The following ZNRF1 variants were observed in gnomAD, a reference collection of about 807,000 sequenced individuals.
The protein encoded by ZNRF1 is zinc and ring finger 1.
ZNRF1 carries 3 observed loss-of-function variants against 18.4 expected under a neutral mutation model. That is an observed-to-expected ratio of 0.16 (90% CI 0.07 to 0.42). The LOEUF (loss-of-function observed/expected upper bound fraction) is 0.42. Among genes scored for constraint, ZNRF1 ranks in the 10% least tolerant of loss-of-function variants. The probability of loss-of-function intolerance (pLI) is 0.99; values close to 1 mark genes in which losing one functional copy is unlikely to be tolerated. For synonymous variants in ZNRF1, 157 were observed against 144.2 expected (o/e 1.09, Z -0.64); for missense variants, 310 against 329.8 (o/e 0.94, Z 0.47).
chr16:75,003,046 C>T lies in ZNRF1; in HGVS notation c.424+2951C>T, dbSNP rs545822512. 6.6e-5 allele frequency among the ~76,000 whole-genome samples: 10 copies of T among 152,312 alleles called. No individual in the cohort carries two copies. The South Asian group carries it at 1.9e-3, about 28-fold the overall frequency. ...TCTGCTCACTGCAGTCTCCGCCTCC[C>T]GGGTTCAAGCAATTCTCCTGCCTCA... On this transcript the variant is annotated intron_variant, in intron 1 of 4. Transcript: ENST00000335325.
intron 2 of ZNRF1, among the ~76,000 whole-genome samples, chr16:75,098,689 G>C (rs534037579): frequency 6.6e-6 from 1 of 152,204 alleles, no homozygotes; most frequent in Non-Finnish European, 1.5e-5. Flanking sequence ...GAGCCTGTGC[G>C]TCATTTGCTA....
In ZNRF1 at chr16:75,108,149, G is replaced by A. The variant is rs78267590; in HGVS notation, c.*449G>A. 567 of 189,426 alleles carry A rather than the reference G, an allele frequency of 3.0e-3. 23 individuals are homozygous for A. In the East Asian group the frequency reaches 0.079, roughly 27 times the overall value. The allele number at this position is 189,426 out of a possible 1,614,324, so 11.7% of individuals were successfully genotyped here. On this transcript the variant is annotated 3_prime_UTR_variant, in exon 5 of 5. Coordinates refer to ENST00000335325, the MANE Select transcript of ZNRF1 (RefSeq NM_032268.5). ...GCCTCGCTGCCAGCCTTCTGACGGC[G>A]GGCGAGCACACGGTCTCTTCCCCTG...
In ZNRF1 at chr16:75,013,995, A is replaced by T. The variant is rs534774210; in HGVS notation, c.424+13900A>T. Among the ~76,000 whole-genome samples, 10 of 151,768 alleles carry T rather than the reference A, an allele frequency of 6.6e-5. No individual in the cohort carries two copies. The South Asian group carries it at 2.1e-3, about 32-fold the overall frequency. ...CAGGCAAACACCACCACACCCGACT[A>T]ATTTTTTGTATTTTTAGTAGAGGCC... On this transcript the variant is annotated intron_variant, in intron 1 of 4. Transcript: ENST00000335325.
chr16:75,066,685 G>C (rs933001420), intron 1 of ZNRF1, among the ~76,000 whole-genome samples: 3 of 152,032 alleles, frequency 2.0e-5, no homozygotes, highest in Non-Finnish European at 2.9e-5. Flanking sequence ...TGTATTTTTA[G>C]TAGAGATGGG....
chr16:75,032,375 C>G (rs1325955050), intron 1 of ZNRF1, among the ~76,000 whole-genome samples: 1 of 151,898 alleles, frequency 6.6e-6, no homozygotes, highest in Non-Finnish European at 1.5e-5. Context: ...TCCCAAAGTG[C>G]TGGGATTACA....
At chr16:75,049,717 G>C (rs763520069) in intron 1 of ZNRF1, among the ~76,000 whole-genome samples, 1 of 152,048 alleles carries the variant, frequency 6.6e-6, no homozygotes, top group South Asian at 2.1e-4. Flanking sequence ...TTGTACCTTC[G>C]CCCGGTTTTC....
chr16:75,036,139 C>T (rs1204508121), intron 1 of ZNRF1, among the ~76,000 whole-genome samples: 1 of 152,256 alleles, frequency 6.6e-6, no homozygotes, highest in Non-Finnish European at 1.5e-5. Flanking sequence ...ATAACAATCT[C>T]AGCTCACAGC....
At chr16:75,072,986 G>A (rs1479834578) in intron 1 of ZNRF1, among the ~76,000 whole-genome samples, 1 of 152,288 alleles carries the variant, frequency 6.6e-6, no homozygotes, top group South Asian at 2.1e-4. Flanking sequence ...GTGAAAGAAA[G>A]CATTTAAAAA....
intron 1 of ZNRF1, among the ~76,000 whole-genome samples, chr16:75,035,956 C>G (rs1485381037): frequency 6.6e-6 from 1 of 152,188 alleles, no homozygotes; most frequent in Admixed American, 6.5e-5. Context: ...CCAGTTTCAG[C>G]TTTTTCTATC....
intron 4 of ZNRF1, chr16:75,106,991 A>G (rs931837594): frequency 1.0e-5 from 2 of 195,096 alleles, no homozygotes; most frequent in South Asian, 1.9e-4. Context: ...CCCTGTTGCC[A>G]TAAGGACATT....
chr16:75,049,398 C>T (rs931554621), intron 1 of ZNRF1, among the ~76,000 whole-genome samples: 4 of 151,952 alleles, frequency 2.6e-5, no homozygotes, highest in African/African-American at 9.7e-5. Flanking sequence ...ACGATCATAG[C>T]TTACTGCAGC....
At chr16:75,094,582 C>A (rs1423848532) in intron 2 of ZNRF1, among the ~76,000 whole-genome samples, 1 of 152,150 alleles carries the variant, frequency 6.6e-6, no homozygotes, top group Non-Finnish European at 1.5e-5. Context: ...ATTGTCAGAA[C>A]TGGGTAAGAG....
At chr16:75,010,711 G>GTTTTTGTTTTTTTTTT in intron 1 of ZNRF1, among the ~76,000 whole-genome samples, 1 of 74,324 alleles carries the variant, frequency 1.3e-5, no homozygotes, top group Non-Finnish European at 3.1e-5. Context: ...GTTTTTTTTT[G>GTTTTTGTTTTTTTTTT]TTTTTTTGTT....
intron 1 of ZNRF1, among the ~76,000 whole-genome samples, chr16:75,085,181 C>G (rs2036059094): frequency 6.6e-6 from 1 of 152,158 alleles, no homozygotes; most frequent in South Asian, 2.1e-4. Flanking sequence ...CTCTCATTAC[C>G]TTCTCAGTGA....
At chr16:75,042,789 A>G (rs972499655) in intron 1 of ZNRF1, among the ~76,000 whole-genome samples, 2 of 151,460 alleles carry the variant, frequency 1.3e-5, no homozygotes, top group African/African-American at 2.4e-5. Flanking sequence ...TTGAATCCTG[A>G]TATTTTTTCA....
chr16:75,038,155 A>G (rs1195610220), intron 1 of ZNRF1, among the ~76,000 whole-genome samples: 4 of 152,162 alleles, frequency 2.6e-5, no homozygotes, highest in Admixed American at 6.5e-5. Flanking sequence ...AACAACATCT[A>G]TTTTATATTT....
intron 1 of ZNRF1, among the ~76,000 whole-genome samples, chr16:75,001,102 C>T (rs576436466): frequency 6.6e-6 from 1 of 152,210 alleles, no homozygotes; most frequent in East Asian, 1.9e-4. Flanking sequence ...TGCTAATTGG[C>T]AAGTTGAGTG....
chr16:75,108,654 A>G lies in ZNRF1; in HGVS notation c.*954A>G, dbSNP rs1262230866. ...AAAAATGTTCAAAGCTTGGGAGAAA[A>G]GCTTTCTTCATTAGTCAAGGTGTTT... is the stretch of plus-strand genomic sequence containing the variant. On this transcript the variant is annotated 3_prime_UTR_variant, in exon 5 of 5. Coordinates refer to ENST00000335325, the MANE Select transcript of ZNRF1 (RefSeq NM_032268.5). 2.5e-6 allele frequency: 1 copy of G among 398,898 alleles called. No individual in the cohort carries two copies. The allele number at this position is 398,898 out of a possible 1,614,324, so 24.7% of individuals were successfully genotyped here.
intron 1 of ZNRF1, among the ~76,000 whole-genome samples, chr16:75,023,399 C>T (rs2035179084): frequency 6.6e-6 from 1 of 152,172 alleles, no homozygotes; most frequent in African/African-American, 2.4e-5. Context: ...GAAAGTCACA[C>T]CAGGCCGGAC....
Sources: gnomAD v4.1 joint callset for allele counts (sites outside exome capture counted in the v4.1 genomes callset) on GRCh38, gnomAD v4.1.1 for gene constraint, MANE v1.5 for transcripts, NCBI Gene and HGNC (gene_info 2026-07-23, HGNC 2026-07-21) for gene names.